Variants in WWOX observed in about 807,000 individuals in gnomAD.
WWOX encodes WW domain containing oxidoreductase.
A neutral mutation model predicts 46.2 loss-of-function variants in WWOX; 69 were observed. The observed-to-expected ratio is 1.49, with a 90% CI of 1.23 to 1.82. WWOX has a LOEUF of 1.82. Among genes scored for constraint, WWOX ranks in the 40% most tolerant of loss-of-function variants. The pLI is 0.00. For missense variants in WWOX, 919 were observed against 542.6 expected (o/e 1.69, Z -6.89); for synonymous variants, 359 against 202.6 (o/e 1.77, Z -6.56).
chr16:78,779,047 T>C (rs2050261447), intron 8 of WWOX, among the ~76,000 whole-genome samples: 2 of 152,256 alleles, frequency 1.3e-5, no homozygotes, highest in Admixed American at 6.5e-5. Flanking sequence ...ACTTGTGGAA[T>C]GTTATAGCCG....
At chr16:79,140,020 G>T (rs563487969) in intron 8 of WWOX, among the ~76,000 whole-genome samples, 1 of 152,144 alleles carries the variant, frequency 6.6e-6, no homozygotes, top group African/African-American at 2.4e-5. Flanking sequence ...GCTTTGCTGC[G>T]CTGTCAGCAC....
Position 78,923,057 on chromosome 16 carries a change from C to T in WWOX, c.1057-288551C>T, listed in dbSNP as rs115074725. Among the ~76,000 whole-genome samples the T allele has an allele frequency of 6.6e-3, 992 of 149,462 alleles. 11 individuals carry two copies. Among genetic ancestry groups the T allele is most frequent in the African/African-American group, 0.023 (944 of 40,548 alleles). ...AGTGCAATGGCGCAATGTTGGTCCA[C>T]CTCAACCTCTGCCTCTTGGGTTCAA... On this transcript the variant is annotated intron_variant, in intron 8 of 8. Transcript: ENST00000566780.
At chr16:78,782,101 T>C (rs542493908) in intron 8 of WWOX, among the ~76,000 whole-genome samples, 49 of 152,234 alleles carry the variant, frequency 3.2e-4, no homozygotes, top group Non-Finnish European at 5.9e-4. Flanking sequence ...GCTGTTACAT[T>C]TGGCAGCAAA....
chr16:78,898,771 C>G (rs954806587), intron 8 of WWOX: 3 of 152,060 alleles, frequency 2.0e-5, no homozygotes, highest in African/African-American at 7.2e-5. Flanking sequence ...TTATTTAAGG[C>G]TTCTTTATTT....
chr16:78,331,642 A>T (rs1390090513), intron 5 of WWOX, among the ~76,000 whole-genome samples: 1 of 152,112 alleles, frequency 6.6e-6, no homozygotes, highest in Admixed American at 6.5e-5. Context: ...TGCTTATTTC[A>T]CTGGGTTCAT....
rs561630156 is a variant in WWOX, at chr16:78,595,276, A to G, written c.1056+162524A>G. Among the ~76,000 whole-genome samples the G allele has an allele frequency of 1.2e-4, 16 of 137,030 alleles. No homozygotes were observed. The South Asian group carries it at 2.2e-3, about 19-fold the overall frequency. The allele number at this position is 137,030 out of a possible 152,430, so 89.9% of individuals were successfully genotyped here. Reference sequence around the variant, plus strand: ...TAGGGAAGTGGCAATGGCAGGAGCAACTGGAAATGTCTTTTTTTTTTTCCT... The same window carrying G: ...TAGGGAAGTGGCAATGGCAGGAGCAGCTGGAAATGTCTTTTTTTTTTTCCT... On this transcript the variant is annotated intron_variant, in intron 8 of 8. Transcript: ENST00000566780.
intron 8 of WWOX, among the ~76,000 whole-genome samples, chr16:78,679,880 G>C (rs1294534337): frequency 6.6e-6 from 1 of 152,190 alleles, no homozygotes; most frequent in Non-Finnish European, 1.5e-5. Context: ...GCTTAGGTGG[G>C]CTCTGAGCAG....
intron 8 of WWOX, among the ~76,000 whole-genome samples, chr16:79,025,113 G>A (rs1007305990): frequency 2.5e-5 from 3 of 119,046 alleles, no homozygotes; most frequent in East Asian, 3.2e-4. Context: ...TCAGGAAGGT[G>A]GGCTTGTTTT....
intron 8 of WWOX, among the ~76,000 whole-genome samples, chr16:78,722,053 T>C (rs2048705014): frequency 6.6e-6 from 1 of 152,240 alleles, no homozygotes; most frequent in African/African-American, 2.4e-5. Context: ...CTTGCTTAAA[T>C]CAAGAAGCTA....
chr16:78,159,672 G>GTTTTTTTTTTT (rs35468343), intron 4 of WWOX, among the ~76,000 whole-genome samples: 2 of 55,382 alleles, frequency 3.6e-5, no homozygotes, highest in Non-Finnish European at 6.6e-5. Context: ...AAAATCTGTG[G>GTTTTTTTTTTT]TTTTTTTTTT....
intron 8 of WWOX, among the ~76,000 whole-genome samples, chr16:78,970,129 C>A (rs529180583): frequency 6.6e-6 from 1 of 152,286 alleles, no homozygotes; most frequent in African/African-American, 2.4e-5. Context: ...CAGATGTGGC[C>A]TGAGTAGCAC....
intron 8 of WWOX, among the ~76,000 whole-genome samples, chr16:79,020,177 A>G (rs1369166419): frequency 1.3e-5 from 2 of 152,342 alleles, no homozygotes; most frequent in Non-Finnish European, 1.5e-5. Context: ...AGGAAGGAAG[A>G]AAAGAGAGGC....
chr16:78,422,684 T>TATATATATATATAC (rs1263877025), intron 6 of WWOX, among the ~76,000 whole-genome samples: 10 of 52,958 alleles, frequency 1.9e-4, no homozygotes, highest in East Asian at 4.8e-4. Flanking sequence ...TATATATATA[T>TATATATATATATAC]ACACACACAC....
intron 8 of WWOX, among the ~76,000 whole-genome samples, chr16:79,202,473 C>G (rs911781866): frequency 1.3e-5 from 2 of 151,944 alleles, no homozygotes; most frequent in African/African-American, 4.8e-5. Context: ...TTTAGGAAAC[C>G]CAAAGAAAGT....
chr16:78,913,362 C>G (rs915574863), intron 8 of WWOX, among the ~76,000 whole-genome samples: 2 of 151,966 alleles, frequency 1.3e-5, no homozygotes, highest in East Asian at 1.9e-4. Context: ...GTGCCTGAGT[C>G]TTGGCCAATG....
intron 8 of WWOX, among the ~76,000 whole-genome samples, chr16:78,928,810 A>G (rs543241915): frequency 1.3e-5 from 2 of 152,300 alleles, no homozygotes; most frequent in Admixed American, 6.5e-5. Flanking sequence ...TTTAGAAGAT[A>G]AAAAGATATG....
At chr16:78,899,433 C>T (rs1411671671) in intron 8 of WWOX, 2 of 152,142 alleles carry the variant, frequency 1.3e-5, no homozygotes, top group Non-Finnish European at 2.9e-5. Flanking sequence ...TGTCACTTTC[C>T]TTTATCTGTA....
chr16:78,306,708 TG>T (rs1226068540), intron 5 of WWOX, among the ~76,000 whole-genome samples: 1 of 151,802 alleles, frequency 6.6e-6, no homozygotes, highest in Admixed American at 6.6e-5. Flanking sequence ...CACAATTCCC[TG>T]TGAATTTTGC....
At chr16:78,611,538 G>A (rs2738553) in intron 8 of WWOX, among the ~76,000 whole-genome samples, 62,860 of 152,072 alleles carry the variant, frequency 0.41, 15,140 homozygotes, top group Middle Eastern at 0.56. Flanking sequence ...GTACTGGCCA[G>A]CTCTGTATGG....
Sources: allele counts gnomAD v4.1 joint callset (sites outside exome capture counted in the v4.1 genomes callset), GRCh38; gene constraint gnomAD v4.1.1; transcripts MANE v1.5; gene names NCBI Gene and HGNC (gene_info 2026-07-23, HGNC 2026-07-21).